Variants in VTI1A observed in about 807,000 individuals in gnomAD.
The protein encoded by VTI1A is vesicle transport through interaction with t-SNAREs homolog 1A.
In VTI1A, 22 loss-of-function variants were observed where a neutral mutation model predicts 34.9. That is an observed-to-expected ratio of 0.63 (90% CI 0.45 to 0.90). VTI1A has a LOEUF of 0.90. Ranked by LOEUF, VTI1A falls within the 40% of genes least tolerant of loss-of-function variation. The pLI is 0.00. For missense variants in VTI1A, 268 were observed against 275.6 expected (o/e 0.97, Z 0.20); for synonymous variants, 87 against 97.3 (o/e 0.89, Z 0.62).
chr10:112,731,424 A>T (rs1184197861), intron 7 of VTI1A, among the ~76,000 whole-genome samples: 1 of 152,114 alleles, frequency 6.6e-6, no homozygotes, highest in African/African-American at 2.4e-5. Context: ...AATACAAAAA[A>T]ATTAGCCAGG....
chr10:112,685,442 G>A (rs1485129320), intron 7 of VTI1A, among the ~76,000 whole-genome samples: 1 of 151,962 alleles, frequency 6.6e-6, no homozygotes, highest in East Asian at 1.9e-4. Flanking sequence ...TTGCATTACT[G>A]GTTTCCTTGA....
intron 7 of VTI1A, among the ~76,000 whole-genome samples, chr10:112,707,524 G>A (rs1849242991): frequency 1.3e-5 from 2 of 152,060 alleles, no homozygotes; most frequent in Admixed American, 1.3e-4. Context: ...AGTAGAGACA[G>A]GGTTTCACCA....
chr10:112,513,890 G>A (rs150097623), intron 3 of VTI1A, among the ~76,000 whole-genome samples: 16 of 151,976 alleles, frequency 1.1e-4, no homozygotes, highest in Middle Eastern at 3.4e-3. Context: ...AATCTCACTT[G>A]ATCATGGTGA....
chr10:112,451,611 G>T (rs763159738), intron 1 of VTI1A, among the ~76,000 whole-genome samples: 2 of 152,212 alleles, frequency 1.3e-5, no homozygotes, highest in Non-Finnish European at 2.9e-5. Context: ...AGTGAAAGTG[G>T]TGTCGGACAA....
chr10:112,464,504 A>G (rs1333874058), intron 2 of VTI1A, 43 bp from the exon 3 acceptor site: 2 of 1,528,286 alleles, frequency 1.3e-6, no homozygotes, highest in Middle Eastern at 1.7e-4. Flanking sequence ...TCAAATAAGA[A>G]TAACAGTGTG....
intron 7 of VTI1A, among the ~76,000 whole-genome samples, chr10:112,712,474 T>TCACACACACA (rs60129148): frequency 0.012 from 1,680 of 143,446 alleles, 25 homozygotes; most frequent in East Asian, 0.043. Context: ...TCAACTATTA[T>TCACACACACA]CACACACACA....
intron 5 of VTI1A, among the ~76,000 whole-genome samples, chr10:112,584,870 G>C (rs928711560): frequency 2.0e-5 from 3 of 152,106 alleles, no homozygotes; most frequent in Admixed American, 2.0e-4. Context: ...GTGAGGGGCA[G>C]GTACCAAAAT....
the VTI1A span, chr10:112,825,758 T>C: frequency 3.3e-5 from 5 of 152,242 alleles, no homozygotes; most frequent in African/African-American, 9.6e-5. Flanking sequence ...GGACCCTCTC[T>C]TCCTTCTTTC....
intron 7 of VTI1A, among the ~76,000 whole-genome samples, chr10:112,749,565 G>A (rs1851029592): frequency 6.6e-6 from 1 of 152,238 alleles, no homozygotes; most frequent in African/African-American, 2.4e-5. Flanking sequence ...GCTTACAGCA[G>A]TCCTTCGTAT....
intron 7 of VTI1A, among the ~76,000 whole-genome samples, chr10:112,813,309 A>G (rs1022275436): frequency 6.6e-6 from 1 of 152,248 alleles, no homozygotes; most frequent in Non-Finnish European, 1.5e-5. Flanking sequence ...AATTAGCATC[A>G]TGGATGCCTT....
downstream of VTI1A, among the ~76,000 whole-genome samples, chr10:112,822,838 A>G (rs749042382): frequency 3.3e-5 from 5 of 152,204 alleles, no homozygotes; most frequent in Non-Finnish European, 7.3e-5. Flanking sequence ...TCATTCATTC[A>G]TTCAATCAAT....
chr10:112,470,807 AC>A (rs550820890), intron 3 of VTI1A, among the ~76,000 whole-genome samples: 1 of 152,082 alleles, frequency 6.6e-6, no homozygotes, highest in African/African-American at 2.4e-5. Flanking sequence ...CCTCCCTTGA[AC>A]CCAGGAGGCC....
At chr10:112,832,835 T>TC in the VTI1A span, among the ~76,000 whole-genome samples, 4 of 152,104 alleles carry the variant, frequency 2.6e-5, no homozygotes, top group African/African-American at 9.7e-5. Flanking sequence ...GTAACTCAGC[T>TC]CCCTCCCAGC....
chr10:112,777,195 C>T (rs754411037), intron 7 of VTI1A, among the ~76,000 whole-genome samples: 11 of 152,174 alleles, frequency 7.2e-5, no homozygotes, highest in Admixed American at 2.6e-4. Flanking sequence ...AAAGAATCCT[C>T]ATGGATTCTG....
At chr10:112,745,240 TTTA>T (rs1406538181) in intron 7 of VTI1A, among the ~76,000 whole-genome samples, 1 of 152,184 alleles carries the variant, frequency 6.6e-6, no homozygotes, top group Non-Finnish European at 1.5e-5. Context: ...TTGTTTTTTT[TTTA>T]ATGATTGAAA....
chr10:112,512,937 A>G (rs1016301822), intron 3 of VTI1A, among the ~76,000 whole-genome samples: 1 of 152,132 alleles, frequency 6.6e-6, no homozygotes, highest in African/African-American at 2.4e-5. Context: ...TTTGATTACT[A>G]TAGCCTTGTA....
chr10:112,761,608 A>G (rs181762795), intron 7 of VTI1A, among the ~76,000 whole-genome samples: 1 of 152,320 alleles, frequency 6.6e-6, no homozygotes, highest in East Asian at 1.9e-4. Flanking sequence ...ATGTCAATGC[A>G]ATGTGTTACC....
At chr10:112,627,255 C>T (rs182895760) in intron 5 of VTI1A, among the ~76,000 whole-genome samples, 5 of 152,098 alleles carry the variant, frequency 3.3e-5, no homozygotes, top group Non-Finnish European at 4.4e-5. Context: ...TGAGAATGAC[C>T]ACCTAAAGTA....
At chr10:112,727,415 T>C (rs1295861243) in intron 7 of VTI1A, among the ~76,000 whole-genome samples, 1 of 139,290 alleles carries the variant, frequency 7.2e-6, no homozygotes, top group Non-Finnish European at 1.5e-5. Context: ...TCCCTAATGA[T>C]ACCCTGCAGG....
Sources: gnomAD v4.1 joint callset for allele counts (sites outside exome capture counted in the v4.1 genomes callset) on GRCh38, gnomAD v4.1.1 for gene constraint, MANE v1.5 for transcripts, NCBI Gene and HGNC (gene_info 2026-07-23, HGNC 2026-07-21) for gene names.